NUTM2B: variants seen among roughly 807,000 people sequenced by gnomAD.
The protein encoded by NUTM2B is NUT family member 2B.
NUTM2B carries 2 observed loss-of-function variants against 42.4 expected under a neutral mutation model. That is an observed-to-expected ratio of 0.05 (90% CI 0.02 to 0.15). NUTM2B has a LOEUF of 0.15. NUTM2B is among the 10% of genes least tolerant of loss of function. The pLI, the probability that NUTM2B is intolerant of heterozygous loss-of-function variation, is 1.00. For synonymous variants in NUTM2B, 18 were observed against 402.4 expected (o/e 0.04, Z 11.43); for missense variants, 58 against 952.6 (o/e 0.06, Z 12.36).
upstream of NUTM2B, among the ~76,000 whole-genome samples, chr10:79,698,678 ATCTC>A (rs1840264441): frequency 3.1e-5 from 4 of 129,394 alleles, no homozygotes; most frequent in South Asian, 1.2e-3. Flanking sequence ...AGAGAACCTC[ATCTC>A]TCTATCAGAC....
chr10:79,694,503 G>A, the NUTM2B span, among the ~76,000 whole-genome samples: 10 of 152,112 alleles, frequency 6.6e-5, no homozygotes, highest in East Asian at 7.7e-4. Context: ...AGAACCCATC[G>A]ACAGGGTTCT....
chr10:79,693,866 G>GAA, the NUTM2B span, among the ~76,000 whole-genome samples: 1 of 152,308 alleles, frequency 6.6e-6, no homozygotes, highest in African/African-American at 2.4e-5. Context: ...GTGGCTATCA[G>GAA]AACATTAAAG....
At chr10:79,702,287 G>C (rs1019003617), upstream of NUTM2B, among the ~76,000 whole-genome samples, 6 of 151,946 alleles carry the variant, frequency 3.9e-5, no homozygotes, top group Admixed American at 3.9e-4. Flanking sequence ...CACCCAGACA[G>C]TCACTGCATG....
upstream of NUTM2B, among the ~76,000 whole-genome samples, chr10:79,701,110 T>C (rs576447916): frequency 5.9e-5 from 9 of 152,272 alleles, no homozygotes; most frequent in Non-Finnish European, 7.4e-5. Context: ...TTGGATGGCA[T>C]TGATTTCATT....
upstream of NUTM2B, among the ~76,000 whole-genome samples, chr10:79,700,363 G>A (rs1840292494): frequency 6.6e-6 from 1 of 152,278 alleles, no homozygotes; most frequent in Non-Finnish European, 1.5e-5. Flanking sequence ...TTTTCTTCAA[G>A]CTTTTGCATT....
At chr10:79,706,259 T>C (rs749560825) in exon 2 of NUTM2B, 1 of 1,611,384 alleles carries the variant, frequency 6.2e-7, no homozygotes, top group East Asian at 2.2e-5. Flanking sequence ...GGGCCGGGGC[T>C]TCCAACGTCT....
the NUTM2B span, among the ~76,000 whole-genome samples, chr10:79,696,410 AGTAG>A: frequency 6.6e-6 from 1 of 151,652 alleles, no homozygotes; most frequent in African/African-American, 2.4e-5. Flanking sequence ...CTGCACCCTG[AGTAG>A]GACCCACAAC....
chr10:79,700,208 T>G (rs1163056536), upstream of NUTM2B, among the ~76,000 whole-genome samples: 9 of 152,260 alleles, frequency 5.9e-5, no homozygotes, highest in Admixed American at 3.3e-4. Context: ...ATCAGCGTAT[T>G]AGAACATGCA....
chr10:79,709,724 C>T (rs1398838244), intron 3 of NUTM2B, 76 bp from the exon 4 acceptor site: 1 of 519,010 alleles, frequency 1.9e-6, no homozygotes, highest in East Asian at 3.6e-5. Flanking sequence ...CCTATCCCTG[C>T]CCTCGGCCGC....
chr10:79,695,370 C>T, the NUTM2B span, among the ~76,000 whole-genome samples: 20 of 152,194 alleles, frequency 1.3e-4, no homozygotes, highest in Admixed American at 1.3e-4. Flanking sequence ...CTCACTTCAC[C>T]AGAGAAAGAA....
chr10:79,700,528 C>T (rs1840296173), upstream of NUTM2B, among the ~76,000 whole-genome samples: 1 of 152,240 alleles, frequency 6.6e-6, no homozygotes, highest in African/African-American at 2.4e-5. Context: ...AACGCTCCCG[C>T]CTTGAGCACA....
chr10:79,693,012 T>G, the NUTM2B span, among the ~76,000 whole-genome samples: 1 of 152,228 alleles, frequency 6.6e-6, no homozygotes, highest in Non-Finnish European at 1.5e-5. Context: ...GGGACTCTTG[T>G]GTGTAGAGGG....
At chr10:79,694,424 A>G in the NUTM2B span, among the ~76,000 whole-genome samples, 1 of 151,432 alleles carries the variant, frequency 6.6e-6, no homozygotes, top group South Asian at 2.1e-4. Context: ...AAAGAAAAGG[A>G]AAAAAAAGAA....
At chr10:79,696,201 G>A in the NUTM2B span, among the ~76,000 whole-genome samples, 1 of 148,724 alleles carries the variant, frequency 6.7e-6, no homozygotes, top group Admixed American at 6.7e-5. Context: ...ATGCTCTCCA[G>A]GGGGAAATAG....
upstream of NUTM2B, among the ~76,000 whole-genome samples, chr10:79,701,282 G>A (rs1028593124): frequency 9.2e-5 from 14 of 152,094 alleles, 1 homozygote; most frequent in African/African-American, 3.4e-4. Context: ...GCATTCAAAT[G>A]ATTTCTAGAA....
chr10:79,694,296 C>T, the NUTM2B span, among the ~76,000 whole-genome samples: 12 of 151,810 alleles, frequency 7.9e-5, no homozygotes, highest in Non-Finnish European at 1.6e-4. Context: ...ACTCTGGAGG[C>T]TGACGCAGGA....
At chr10:79,701,624 G>A (rs1840315977), upstream of NUTM2B, among the ~76,000 whole-genome samples, 1 of 151,108 alleles carries the variant, frequency 6.6e-6, no homozygotes, top group Admixed American at 6.6e-5. Context: ...TTCCTCTACT[G>A]GGTGGAGGAG....
chr10:79,701,373 G>C (rs1840311575), upstream of NUTM2B, among the ~76,000 whole-genome samples: 2 of 151,934 alleles, frequency 1.3e-5, no homozygotes, highest in African/African-American at 4.9e-5. Context: ...CCCCATCCCT[G>C]ACTCTGCAAC....
chr10:79,698,942 A>G (rs929885453), upstream of NUTM2B, among the ~76,000 whole-genome samples: 14 of 152,328 alleles, frequency 9.2e-5, no homozygotes, highest in African/African-American at 3.4e-4. Context: ...ATATGTAATC[A>G]CACTTCCAAA....
Sources: gnomAD v4.1 joint callset for allele counts (sites outside exome capture counted in the v4.1 genomes callset) on GRCh38, gnomAD v4.1.1 for gene constraint, MANE v1.5 for transcripts, NCBI Gene and HGNC (gene_info 2026-07-23, HGNC 2026-07-21) for gene names.